The following RBFOX1 variants were observed in gnomAD, a reference collection of about 807,000 sequenced individuals.
RBFOX1 encodes the protein RNA binding fox-1 homolog 1.
A neutral mutation model predicts 57.7 loss-of-function variants in RBFOX1; 8 were observed. The ratio of observed to expected loss-of-function variants is 0.14; its 90% CI spans 0.08 to 0.25. RBFOX1 has a LOEUF of 0.25. RBFOX1 is among the 10% of genes least tolerant of loss of function. RBFOX1 has a pLI of 1.00. For missense variants in RBFOX1, 611 were observed against 548.5 expected, an observed-to-expected ratio of 1.11 and a Z score of -1.14; for synonymous variants, 326 against 222.4, an observed-to-expected ratio of 1.47 and a Z score of -4.15.
At chr16:6,066,098 C>T (rs9937928) in intron 1 of RBFOX1, among the ~76,000 whole-genome samples, 67,390 of 151,684 alleles carry the variant, frequency 0.44, 15,139 homozygotes, top group East Asian at 0.53. Flanking sequence ...GATTGAGACC[C>T]TGCTGGCCAA....
chr16:7,264,713 T>C (rs181168743), intron 4 of RBFOX1, among the ~76,000 whole-genome samples: 2 of 152,158 alleles, frequency 1.3e-5, no homozygotes, highest in East Asian at 3.9e-4. Context: ...CTTTTTTTTT[T>C]AAAAAAATGT....
intron 4 of RBFOX1, among the ~76,000 whole-genome samples, chr16:7,070,507 G>C (rs1263737575): frequency 5.9e-5 from 9 of 152,320 alleles, no homozygotes; most frequent in Admixed American, 4.6e-4. Context: ...GATTGCATAT[G>C]TGTCTTGACA....
At chr16:6,838,008 CTT>C (rs58455545) in intron 3 of RBFOX1, among the ~76,000 whole-genome samples, 11,239 of 148,438 alleles carry the variant, frequency 0.076, 533 homozygotes, top group Non-Finnish European at 0.11. Context: ...GTTACCACCC[CTT>C]TTTTTTTTTT....
chr16:6,815,068 G>T (rs1010600597), intron 3 of RBFOX1, among the ~76,000 whole-genome samples: 1 of 152,226 alleles, frequency 6.6e-6, no homozygotes, highest in African/African-American at 2.4e-5. Context: ...CCCGGAAAGC[G>T]GTAGGCAATG....
intron 4 of RBFOX1, among the ~76,000 whole-genome samples, chr16:7,291,299 C>A (rs1419380963): frequency 6.6e-6 from 1 of 152,058 alleles, no homozygotes; most frequent in Non-Finnish European, 1.5e-5. Flanking sequence ...ATTTAAAATT[C>A]CTCTGTGGCA....
At chr16:7,271,782 C>G (rs1382077190) in intron 4 of RBFOX1, among the ~76,000 whole-genome samples, 1 of 151,848 alleles carries the variant, frequency 6.6e-6, no homozygotes, top group East Asian at 2.0e-4. Flanking sequence ...AGCTAAGGGT[C>G]TCTTAGGCTC....
rs532186321 is a variant in RBFOX1, at chr16:5,331,060, C to G, written c.219+90955C>G. Among the ~76,000 whole-genome samples the G allele has an allele frequency of 9.2e-5, 14 of 152,256 alleles. No homozygotes were observed. In the South Asian group the frequency reaches 2.9e-3, roughly 32 times the overall value. On this transcript the variant is annotated intron_variant, in intron 1 of 2. Transcript: ENST00000585867. ...GTATCAGGCACCAAACTCTGAGGATCTGGAGGTGATGTGGCTCTAGGAGAA... is the reference window on the plus strand; with the variant it reads ...GTATCAGGCACCAAACTCTGAGGATGTGGAGGTGATGTGGCTCTAGGAGAA...
intron 4 of RBFOX1, among the ~76,000 whole-genome samples, chr16:7,092,626 A>G (rs2061047111): frequency 6.6e-6 from 1 of 152,078 alleles, no homozygotes; most frequent in Admixed American, 6.6e-5. Flanking sequence ...TCATATATGT[A>G]TTTGTTCAGT....
chr16:7,408,007 C>T (rs1320369255), intron 4 of RBFOX1, among the ~76,000 whole-genome samples: 2 of 152,136 alleles, frequency 1.3e-5, no homozygotes, highest in East Asian at 1.9e-4. Flanking sequence ...ATATTTATTC[C>T]GTGGCTCTTT....
chr16:5,671,854 G>A (rs1279046996), intron 3 of RBFOX1, among the ~76,000 whole-genome samples: 2 of 152,202 alleles, frequency 1.3e-5, no homozygotes, highest in Admixed American at 1.3e-4. Context: ...TGCAGTGTGA[G>A]CTGGGGGTTG....
At chr16:6,980,790 C>G (rs146638806) in intron 3 of RBFOX1, among the ~76,000 whole-genome samples, 3,252 of 152,188 alleles carry the variant, frequency 0.021, 38 homozygotes, top group South Asian at 0.055. Context: ...TGCCTGTAAT[C>G]CCAGCACTTT....
chr16:6,787,546 T>C (rs1455251296), intron 3 of RBFOX1, among the ~76,000 whole-genome samples: 1 of 152,192 alleles, frequency 6.6e-6, no homozygotes, highest in East Asian at 1.9e-4. Flanking sequence ...ACTGTATTAA[T>C]TTGTGCCAAT....
At chr16:6,411,753 T>C (rs369355286) in intron 2 of RBFOX1, among the ~76,000 whole-genome samples, 1 of 152,338 alleles carries the variant, frequency 6.6e-6, no homozygotes, top group African/African-American at 2.4e-5. Flanking sequence ...TTGCATAAAA[T>C]GAACAATTGG....
chr16:6,834,287 G>A (rs575246651), intron 3 of RBFOX1, among the ~76,000 whole-genome samples: 3 of 152,080 alleles, frequency 2.0e-5, no homozygotes, highest in South Asian at 4.2e-4. Flanking sequence ...CGTTGGCCAG[G>A]CTGGTCTCAA....
intron 4 of RBFOX1, among the ~76,000 whole-genome samples, chr16:7,218,831 C>T (rs1355573341): frequency 6.6e-6 from 1 of 151,866 alleles, no homozygotes; most frequent in Non-Finnish European, 1.5e-5. Context: ...TCAGAAGTTG[C>T]TGCTACATTT....
chr16:6,122,855 G>C (rs2096562111), intron 1 of RBFOX1, among the ~76,000 whole-genome samples: 1 of 149,496 alleles, frequency 6.7e-6, no homozygotes, highest in African/African-American at 2.5e-5. Context: ...TCTGATTAAA[G>C]CACCAAAGTT....
rs184947524 is a variant in RBFOX1, at chr16:6,767,424, G to T, written c.-16+112774G>T. 3.4e-3 allele frequency among the ~76,000 whole-genome samples: 516 copies of T among 152,274 alleles called. 3 individuals are homozygous for T. Among genetic ancestry groups the T allele is most frequent in the Non-Finnish European group, 4.4e-3 (297 of 68,020 alleles). The stretch of plus-strand genomic sequence containing the variant: ...ACTGAGTTCCAATTCTCTGAATGTA[G>T]CCCTGCTGCAATCTATAATTATCCT... On this transcript the variant is annotated intron_variant, in intron 3 of 15. Transcript: ENST00000550418.
At chr16:5,486,548 C>G (rs987291270) in intron 2 of RBFOX1, among the ~76,000 whole-genome samples, 1 of 152,224 alleles carries the variant, frequency 6.6e-6, no homozygotes, top group Admixed American at 6.5e-5. Flanking sequence ...GGAATCTCCA[C>G]CTGCCAGTTA....
intron 4 of RBFOX1, among the ~76,000 whole-genome samples, chr16:5,871,589 C>T (rs1216929922): frequency 1.3e-5 from 2 of 152,254 alleles, no homozygotes; most frequent in Admixed American, 6.5e-5. Flanking sequence ...GTTACCTGGG[C>T]GCAGCCATTG....
Sources: allele counts gnomAD v4.1 joint callset (sites outside exome capture counted in the v4.1 genomes callset), GRCh38; gene constraint gnomAD v4.1.1; transcripts MANE v1.5; gene names NCBI Gene and HGNC (gene_info 2026-07-23, HGNC 2026-07-21).